AHDC1: variants seen among roughly 807,000 people sequenced by gnomAD.
AHDC1 encodes AT-hook DNA binding motif containing 1, also known as transcription factor Gibbin.
In AHDC1, 7 loss-of-function variants were observed where a neutral mutation model predicts 87.9. That is an observed-to-expected ratio of 0.08 (90% confidence interval 0.05 to 0.15). The LOEUF (loss-of-function observed/expected upper bound fraction) is 0.15. Among genes scored for constraint, AHDC1 ranks in the 10% least tolerant of loss-of-function variants. AHDC1 has a pLI of 1.00. For synonymous variants in AHDC1, 1,051 were observed against 1,006.8 expected, an observed-to-expected ratio of 1.04 and a Z score of -0.83; for missense variants, 1,841 against 2,253.2, an observed-to-expected ratio of 0.82 and a Z score of 3.70.
intron 8 of AHDC1, among the ~76,000 whole-genome samples, chr1:27,538,124 G>A (rs1289272795): frequency 1.3e-5 from 2 of 152,090 alleles, no homozygotes; most frequent in Admixed American, 6.5e-5. Context: ...GCATGAGGCC[G>A]GGCAGGGTGA....
rs914917557 is a variant in AHDC1, at chr1:27,549,111, T to C, written c.3005A>G (p.Tyr1002Cys). 9.7e-6 allele frequency: 15 copies of C among 1,552,546 alleles called. No homozygotes were observed. The highest frequency in any genetic ancestry group is 3.8e-5 in the Admixed American group (2 of 53,196). The stretch of plus-strand genomic sequence containing the variant: ...GGCAGGGAGGCTGTTGCCACTGCCA[T>C]AGGCGAAGCTGCAGTCCTTGCTGTT... ...CANSKDCSFA[Y>C]GSGNSLPASP... The change falls in exon 8 of 9, where the codon TAT becomes TGT. Residue 1002 changes from tyrosine (Y) to cysteine (C), a missense_variant. Physicochemically the swap from Tyr to Cys is radical, Grantham distance 194. Transcript: ENST00000673934.
At chr1:27,536,210 T>G (rs1248398855) in intron 8 of AHDC1, among the ~76,000 whole-genome samples, 2 of 152,256 alleles carry the variant, frequency 1.3e-5, no homozygotes, top group Non-Finnish European at 2.9e-5. Flanking sequence ...CAGCCTCGGC[T>G]GCTGTCTGCT....
At chr1:27,540,019 G>A (rs1236830178) in intron 8 of AHDC1, among the ~76,000 whole-genome samples, 1 of 152,076 alleles carries the variant, frequency 6.6e-6, no homozygotes, top group African/African-American at 2.4e-5. Context: ...GATGCCATAT[G>A]TAAAGACAGG....
intron 8 of AHDC1, among the ~76,000 whole-genome samples, chr1:27,545,537 G>A (rs1233568776): frequency 2.6e-5 from 4 of 151,934 alleles, no homozygotes; most frequent in Admixed American, 6.6e-5. Flanking sequence ...TGGGAGGAAC[G>A]GTTTTTGGAT....
At position 27,549,822 on chromosome 1, in the gene AHDC1, C is replaced by T; in HGVS notation, c.2294G>A (p.Gly765Asp). The T allele has an allele frequency of 3.1e-6, 5 of 1,613,680 alleles. No individual in the cohort carries two copies. The highest frequency in any genetic ancestry group is 4.2e-6 in the Non-Finnish European group (5 of 1,179,914). Residue 765 changes from glycine (G) to aspartate (D), a missense_variant, in exon 8 of 9, where the codon GGT (glycine) becomes GAT (aspartate). This residue lies in a region of AHDC1 where 236 missense variants were observed against 257.9 expected (regional missense o/e 0.92). Coordinates refer to ENST00000673934, the MANE Select transcript of AHDC1 (RefSeq NM_001371928.1). Reference protein sequence around the residue: ...VPSGPGFGEAGAEWAGDKGGG... With the variant: ...VPSGPGFGEADAEWAGDKGGG... ...ACCCTTATCCCCGGCCCACTCAGCA[C>T]CTGCCTCCCCAAAGCCTGGGCCACT...
Position 27,547,326 on chromosome 1 carries a change from G to A in AHDC1, c.4790C>T (p.Thr1597Ile). The stretch of plus-strand genomic sequence containing the variant: ...GCACTACAGGGATGTGACGGTGAAT[G>A]TGTCCTCGGGGTGAGGTTCCGCCAT... ...GPMAEPHPED[T>I]FTVTSL Residue 1597 changes from threonine to isoleucine, a missense_variant, in exon 8 of 9, where the codon ACA becomes ATA. This residue lies in a region of AHDC1 where 505 missense variants were observed against 626.2 expected (regional missense o/e 0.81). Transcript: ENST00000673934. This position sits in a 1 kb window ranked among gnomAD's most constrained non-coding sequence, Gnocchi z 4.9. 1 of 1,547,330 alleles carries A rather than the reference G, an allele frequency of 6.5e-7. No individual in the cohort carries two copies. Among genetic ancestry groups the A allele is most frequent in the Non-Finnish European group, 8.7e-7 (1 of 1,149,872 alleles).
intron 3 of AHDC1, among the ~76,000 whole-genome samples, chr1:27,559,625 C>T (rs142116225): frequency 6.6e-6 from 1 of 152,322 alleles, no homozygotes; most frequent in Non-Finnish European, 1.5e-5. Flanking sequence ...AAACAGGTTA[C>T]TGACAATGCA....
At chr1:27,600,323 C>G (rs748472313) in intron 3 of AHDC1, among the ~76,000 whole-genome samples, 1 of 152,088 alleles carries the variant, frequency 6.6e-6, no homozygotes, top group Non-Finnish European at 1.5e-5. Context: ...AGAGACAGAG[C>G]TGGGCTCCAT....
intron 5 of AHDC1, among the ~76,000 whole-genome samples, chr1:27,557,604 C>G (rs547046806): frequency 1.0e-3 from 157 of 152,328 alleles, no homozygotes; most frequent in African/African-American, 3.4e-3. Context: ...ACTGTGCACC[C>G]AGAACCCTGA....
At chr1:27,535,608 A>T (rs2018604777) in intron 8 of AHDC1, among the ~76,000 whole-genome samples, 1 of 152,098 alleles carries the variant, frequency 6.6e-6, no homozygotes, top group African/African-American at 2.4e-5. Flanking sequence ...TACCAATGCC[A>T]TTCTGTTCCT....
chr1:27,591,238 C>T (rs2089212849), intron 3 of AHDC1, among the ~76,000 whole-genome samples: 1 of 152,152 alleles, frequency 6.6e-6, no homozygotes, highest in Non-Finnish European at 1.5e-5. Flanking sequence ...GCTGGGTGCT[C>T]ACAACATCCA....
rs765209526 is a variant in AHDC1 at position 27,551,635 on chromosome 1, C to T, written c.481G>A (p.Gly161Ser). The T allele has an allele frequency of 1.6e-4, 256 of 1,613,442 alleles. No individual in the cohort carries two copies. Among genetic ancestry groups the T allele is most frequent in the Middle Eastern group, 3.3e-4 (2 of 6,084 alleles). Residue 161 changes from glycine (G) to serine (S), a missense_variant, in exon 8 of 9, where the codon GGC (glycine) becomes AGC (serine). By Grantham distance (56) the Gly-to-Ser change is moderately conservative (BLOSUM62 0). This residue lies in a region of AHDC1 where 50 missense variants were observed against 104.3 expected (regional missense o/e 0.48). Coordinates refer to ENST00000673934, the MANE Select transcript of AHDC1 (RefSeq NM_001371928.1). ...GAGAAGAAGCTGTACTGTAGGTCGC[C>T]GGGTGGCGGTGCAGGCGGGCGGCTC... The part of the protein sequence containing the change: ...RLSRPPAPPP[G>S]DLQYSFFSSP...
At position 27,598,668 on chromosome 1, in the gene AHDC1, G is replaced by A. The variant is rs950597116; in HGVS notation, c.-629+4729C>T. 6.6e-6 allele frequency among the ~76,000 whole-genome samples: 1 copy of A among 152,164 alleles called. No homozygotes were observed. On this transcript the variant is annotated intron_variant, in intron 3 of 8. Coordinates refer to ENST00000673934, the MANE Select transcript of AHDC1 (RefSeq NM_001371928.1). The surrounding 1 kb of genome is among the most constrained non-coding windows in gnomAD (Gnocchi z 4.2). ...CCATCTACCCATAGGGACGTGGGGG[G>A]ATCACACCAGTGTCACCCCCACAAC... is the stretch of plus-strand genomic sequence containing the variant.
At chr1:27,555,469 T>G (rs574409786) in intron 5 of AHDC1, among the ~76,000 whole-genome samples, 52 of 152,148 alleles carry the variant, frequency 3.4e-4, no homozygotes, top group Non-Finnish European at 6.9e-4. Context: ...CTCCTCGTTG[T>G]CCCACCTACT....
rs1192640445 is a variant in AHDC1, at chr1:27,563,003, C to T, written c.-628-4120G>A. On this transcript the variant is annotated intron_variant, in intron 3 of 8. Coordinates refer to ENST00000673934, the MANE Select transcript of AHDC1 (RefSeq NM_001371928.1). This position sits in a 1 kb window ranked among gnomAD's most constrained non-coding sequence, Gnocchi z 6.1. ...GAGATGGGCACACCTGACACACCCT[C>T]GACAGCATGGGGCAGGCGTCTGTTA... Among the ~76,000 whole-genome samples, 5 of 152,236 alleles carry T rather than the reference C, an allele frequency of 3.3e-5. No homozygotes were observed. Among genetic ancestry groups the T allele is most frequent in the South Asian group, 2.1e-4 (1 of 4,824 alleles).
chr1:27,566,680 TGGAGGA>T (rs541686229), intron 3 of AHDC1, among the ~76,000 whole-genome samples: 13 of 27,382 alleles, frequency 4.7e-4, no homozygotes, highest in Middle Eastern at 0.029. Flanking sequence ...GGGAGGGGGG[TGGAGGA>T]GGAGGAGGAG....
chr1:27,564,276 T>C (rs991479723), intron 3 of AHDC1, among the ~76,000 whole-genome samples: 3 of 152,066 alleles, frequency 2.0e-5, no homozygotes, highest in Non-Finnish European at 4.4e-5. Flanking sequence ...TCAGCCTCTT[T>C]GGCTTCGGGG....
intron 3 of AHDC1, among the ~76,000 whole-genome samples, chr1:27,580,871 T>G (rs1467495988): frequency 4.6e-5 from 7 of 152,182 alleles, no homozygotes; most frequent in Admixed American, 2.0e-4. Context: ...AGTCTCGCTC[T>G]GTCGCCAGGC....
Position 27,547,749 on chromosome 1 carries a change from T to C in AHDC1, c.4367A>G (p.Tyr1456Cys). ...CRDLPLGQPH[Y>C]DSPSCKGTAY... ...TGTGCCCTTGCAGCTGGGGGAATCG[T>C]AGTGGGGCTGGCCCAGCGGCAGGTC... Residue 1456 changes from tyrosine (Y) to cysteine (C), a missense_variant, in exon 8 of 9, where the codon TAC becomes TGC. Physicochemically the swap from Tyr to Cys is radical, Grantham distance 194. Coordinates refer to ENST00000673934, the MANE Select transcript of AHDC1 (RefSeq NM_001371928.1). This position sits in a 1 kb window ranked among gnomAD's most constrained non-coding sequence, Gnocchi z 4.9. 6.3e-7 allele frequency: 1 copy of C among 1,592,076 alleles called. No homozygotes were observed. The highest frequency in any genetic ancestry group is 8.6e-7 in the Non-Finnish European group (1 of 1,167,294).
Sources: gnomAD v4.1 joint callset for allele counts (sites outside exome capture counted in the v4.1 genomes callset) on GRCh38, gnomAD v4.1.1 for gene constraint, gnomAD v4.1.1 regional missense constraint, Gnocchi (gnomAD v3.1) non-coding constraint, MANE v1.5 for transcripts, NCBI Gene and HGNC (gene_info 2026-07-23, HGNC 2026-07-21) for gene names.